BAX: variants seen among roughly 807,000 people sequenced by gnomAD.
The protein encoded by BAX is apoptosis regulator BAX.
BAX carries 21 observed loss-of-function variants against 26.8 expected under a neutral mutation model. The observed-to-expected ratio is 0.78, with a 90% CI of 0.56 to 1.13. BAX has a LOEUF of 1.13. Among genes scored for constraint, BAX ranks in the 50% most tolerant of loss-of-function variants. The pLI is 0.00. For missense variants in BAX, 236 were observed against 254.6 expected (o/e 0.93, Z 0.50); for synonymous variants, 110 against 101.8 (o/e 1.08, Z -0.49).
chr19:48,957,254 CTT>C (rs1491507070), intron 4 of BAX, among the ~76,000 whole-genome samples: 2 of 88,838 alleles, frequency 2.3e-5, no homozygotes, highest in Non-Finnish European at 4.7e-5. Context: ...GCTGGAAAGA[CTT>C]TTTCTTTTCT....
rs759921183 is a variant in BAX, at chr19:48,961,455, G to A, written c.475-77G>A. On this transcript the variant is annotated intron_variant, in intron 5 of 5. Transcript: ENST00000345358. ...GCAATCCTGCCTTCTGGCCTCCTCC[G>A]TCCCTGATCCCGCCTCTGCCTGCCC... 291 of 1,365,066 alleles carry A rather than the reference G, an allele frequency of 2.1e-4. No individual in the cohort carries two copies. The East Asian group carries it at 5.9e-3, about 27-fold the overall frequency. The allele number at this position is 1,365,066 out of a possible 1,614,324, so 84.6% of individuals were successfully genotyped here. A position where few individuals can be genotyped will look rare whatever the true frequency, so the allele number is the denominator to read the frequency against.
rs748508290 is a variant in BAX at position 48,961,520 on chromosome 19, C to G, written c.475-12C>G. The stretch of plus-strand genomic sequence containing the variant: ...GCCGAGTCACTGAAGCGACTGATGT[C>G]CCTGTCTCCAGGACGGCCTCCTCTC... On this transcript the variant is annotated splice_polypyrimidine_tract_variant and intron_variant, in intron 5 of 5. Transcript: ENST00000345358. The G allele has an allele frequency of 1.3e-6, 2 of 1,596,814 alleles. No homozygotes were observed. Among genetic ancestry groups the G allele is most frequent in the East Asian group, 4.5e-5 (2 of 44,334 alleles).
intron 2 of BAX, 23 bp downstream of exon 2, chr19:48,955,622 G>C (rs1190713804): frequency 6.2e-7 from 1 of 1,613,484 alleles, no homozygotes; most frequent in South Asian, 1.1e-5. Flanking sequence ...TCTGATTATT[G>C]TGGCACAGAT....
At chr19:48,957,098 A>G (rs553893881) in intron 4 of BAX, among the ~76,000 whole-genome samples, 1 of 150,418 alleles carries the variant, frequency 6.6e-6, no homozygotes, top group Admixed American at 6.6e-5. Flanking sequence ...AGGGAACAGC[A>G]AGTGCAAAGG....
At chr19:48,959,281 G>A (rs1472787380) in intron 4 of BAX, among the ~76,000 whole-genome samples, 2 of 150,096 alleles carry the variant, frequency 1.3e-5, no homozygotes, top group East Asian at 4.0e-4. Context: ...ACTGGGAGGC[G>A]GAGTTTGCAG....
chr19:48,961,427 C>A, intron 5 of BAX, 105 bp from the exon 6 acceptor site: 1 of 1,225,384 alleles, frequency 8.2e-7, no homozygotes, highest in Non-Finnish European at 1.1e-6. Context: ...CAGTCCCCTG[C>A]CCGCAATCCT....
chr19:48,955,431 T>C, intron 1 of BAX, 117 bp from the exon 2 acceptor site: 2 of 1,175,678 alleles, frequency 1.7e-6, no homozygotes, highest in Non-Finnish European at 2.3e-6. Flanking sequence ...TCTGCTAGGG[T>C]CCCAGAAGTC....
chr19:48,956,055 C>T (rs2038116352), intron 3 of BAX, 143 bp from the exon 4 acceptor site: 2 of 1,235,670 alleles, frequency 1.6e-6, no homozygotes, highest in East Asian at 5.2e-5. Context: ...GTCCCCTTCC[C>T]TTGTCCCCCG....
Position 48,960,890 on chromosome 19 carries a change from C to T in BAX, c.450C>T (p.Gly150=). ...TLDFLRERLL[G]WIQDQGGWDG... ...ACTTCCTCCGGGAGCGGCTGTTGGG[C>T]TGGATCCAAGACCAGGGTGGTTGGG... Residue 150 remains glycine, a synonymous_variant, in exon 5 of 6, where the codon GGC becomes GGT. Coordinates refer to ENST00000345358, the MANE Select transcript of BAX (RefSeq NM_138761.4). The T allele has an allele frequency of 6.2e-7, 1 of 1,614,104 alleles. No homozygotes were observed. Among genetic ancestry groups the T allele is most frequent in the South Asian group, 1.1e-5 (1 of 91,080 alleles).
chr19:48,961,457 C>A, intron 5 of BAX, 75 bp from the exon 6 acceptor site: 1 of 1,376,278 alleles, frequency 7.3e-7, no homozygotes, highest in South Asian at 1.2e-5. Context: ...CCTCCTCCGT[C>A]CCTGATCCCG....
At chr19:48,955,412 G>A in intron 1 of BAX, 136 bp from the exon 2 acceptor site, 3 of 973,660 alleles carry the variant, frequency 3.1e-6, no homozygotes, top group South Asian at 2.0e-5. Context: ...GGGCCCCCCC[G>A]TCACTTTATC....
chr19:48,956,377 G>C (rs747228737), intron 4 of BAX, 44 bp downstream of exon 4: 6 of 1,474,068 alleles, frequency 4.1e-6, no homozygotes, highest in Non-Finnish European at 5.4e-6. Context: ...CTCCCCCTCA[G>C]ATCTGTGAGG....
chr19:48,961,388 G>C, intron 5 of BAX, 144 bp from the exon 6 acceptor site: 1 of 1,181,788 alleles, frequency 8.5e-7, no homozygotes, highest in Non-Finnish European at 1.2e-6. Flanking sequence ...TGCCTGGCCT[G>C]AGTCCAGCTC....
At chr19:48,955,315 T>C (rs2038080521) in intron 1 of BAX, 2 of 472,594 alleles carry the variant, frequency 4.2e-6, no homozygotes, top group South Asian at 5.0e-5. Context: ...TGGATGCATA[T>C]AGCGTTCCCC....
chr19:48,961,064 T>C (rs2038340054), intron 5 of BAX, 150 bp downstream of exon 5: 1 of 1,608,524 alleles, frequency 6.2e-7, no homozygotes, highest in East Asian at 2.2e-5. Context: ...GATCATCAGA[T>C]GTGGTCTATA....
intron 4 of BAX, among the ~76,000 whole-genome samples, chr19:48,959,728 A>G (rs2038280810): frequency 6.6e-6 from 1 of 150,876 alleles, no homozygotes; most frequent in African/African-American, 2.4e-5. Flanking sequence ...TAGGAGGCTC[A>G]GGCAGGAGGA....
intron 5 of BAX, chr19:48,961,284 G>T (rs1042852439): frequency 7.1e-7 from 1 of 1,409,328 alleles, no homozygotes; most frequent in Non-Finnish European, 9.3e-7. Flanking sequence ...AAGGGGTCTC[G>T]CTATGTTGCC....
intron 4 of BAX, chr19:48,960,323 A>AT: frequency 2.6e-6 from 1 of 390,406 alleles, no homozygotes; most frequent in South Asian, 1.7e-5. Context: ...CATCCCAAGG[A>AT]GCTGGGATTA....
chr19:48,955,667 T>C lies in BAX; in HGVS notation c.87-20T>C, dbSNP rs772981515. 7.4e-6 allele frequency: 12 copies of C among 1,611,908 alleles called. No individual in the cohort carries two copies. Among genetic ancestry groups the C allele is most frequent in the Non-Finnish European group, 8.5e-6 (10 of 1,178,790 alleles). On this transcript the variant is annotated intron_variant, in intron 2 of 5. Transcript: ENST00000345358. ...GACACCCCGTTCTGATTCTGCACCCTCACTCCATCCCCACTCTAGTTTCAT... is the reference window on the plus strand; with the variant it reads ...GACACCCCGTTCTGATTCTGCACCCCCACTCCATCCCCACTCTAGTTTCAT...
Sources: gnomAD v4.1 joint callset for allele counts (sites outside exome capture counted in the v4.1 genomes callset) on GRCh38, gnomAD v4.1.1 for gene constraint, MANE v1.5 for transcripts, NCBI Gene and HGNC (gene_info 2026-07-23, HGNC 2026-07-21) for gene names.